Variants in BACE2 observed in about 807,000 individuals in gnomAD.
BACE2 encodes beta-secretase 2, also known as 56 kDa aspartic-like protease.
A neutral mutation model predicts 46.2 loss-of-function variants in BACE2; 17 were observed. The observed-to-expected ratio is 0.37, with a 90% confidence interval of 0.25 to 0.55. The LOEUF is 0.55. Among genes scored for constraint, BACE2 ranks in the 20% least tolerant of loss-of-function variants. The pLI, the probability that BACE2 is intolerant of heterozygous loss-of-function variation, is 0.82. For synonymous variants in BACE2, 277 were observed against 295.9 expected (o/e 0.94, Z 0.66); for missense variants, 595 against 698.1 (o/e 0.85, Z 1.66).
At chr21:41,272,198 T>C (rs1006869475) in intron 8 of BACE2, among the ~76,000 whole-genome samples, 4 of 152,156 alleles carry the variant, frequency 2.6e-5, no homozygotes, top group Non-Finnish European at 5.9e-5. Flanking sequence ...CTTATTATTA[T>C]TCATTTGTAC....
At chr21:41,238,948 T>A (rs1601296851) in intron 3 of BACE2, among the ~76,000 whole-genome samples, 12 of 90,338 alleles carry the variant, frequency 1.3e-4, no homozygotes, top group Admixed American at 3.2e-4. Flanking sequence ...AAACTTAAAG[T>A]ATAATTAAAA....
chr21:41,175,147 G>C (rs371091756), intron 1 of BACE2: 1 of 152,186 alleles, frequency 6.6e-6, no homozygotes, highest in Non-Finnish European at 1.5e-5. Flanking sequence ...AATACTCTGG[G>C]AGTGCTGACA....
At chr21:41,215,701 A>C (rs1986444601) in intron 1 of BACE2, among the ~76,000 whole-genome samples, 1 of 152,200 alleles carries the variant, frequency 6.6e-6, no homozygotes, top group African/African-American at 2.4e-5. Flanking sequence ...CGGGACCTCC[A>C]TGGGCTGTTT....
intron 7 of BACE2, among the ~76,000 whole-genome samples, chr21:41,253,741 T>C (rs1601311755): frequency 6.6e-6 from 1 of 152,060 alleles, no homozygotes. Flanking sequence ...ATGAGAGGGG[T>C]TTGGGAGCAT....
intron 1 of BACE2, among the ~76,000 whole-genome samples, chr21:41,217,272 A>G (rs1480612327): frequency 6.6e-6 from 1 of 152,222 alleles, no homozygotes; most frequent in African/African-American, 2.4e-5. Context: ...TGGCCAAGAA[A>G]ACGTATTTCC....
At chr21:41,227,267 G>A (rs1193106747) in intron 2 of BACE2, among the ~76,000 whole-genome samples, 1 of 152,208 alleles carries the variant, frequency 6.6e-6, no homozygotes, top group African/African-American at 2.4e-5. Context: ...TGACATGCTG[G>A]TTTGTTTTTT....
At chr21:41,236,863 A>G (rs1295067795) in intron 2 of BACE2, among the ~76,000 whole-genome samples, 3 of 152,232 alleles carry the variant, frequency 2.0e-5, no homozygotes, top group African/African-American at 7.2e-5. Flanking sequence ...GTCGTGTCCT[A>G]CGGTGGCCAA....
Position 41,168,411 on chromosome 21 carries a change from G to A in BACE2, c.148G>A (p.Gly50Arg). ...NRVVAPTPGPGTPAERHADGL... is the reference protein window; with the variant it reads ...NRVVAPTPGPRTPAERHADGL... Reference sequence around the variant, plus strand: ...CGTAGTTGCGCCCACCCCGGGACCCGGGACCCCTGCCGAGCGCCACGCCGA... The same window carrying A: ...CGTAGTTGCGCCCACCCCGGGACCCAGGACCCCTGCCGAGCGCCACGCCGA... Residue 50 changes from glycine (G) to arginine (R), a missense_variant, in exon 1 of 9, where the codon GGG becomes AGG. Physicochemically the swap from Gly to Arg is moderately radical, Grantham distance 125. This residue lies in a region of BACE2 where 248 missense variants were observed against 261.4 expected (regional missense o/e 0.95). Coordinates refer to ENST00000330333, the MANE Select transcript of BACE2 (RefSeq NM_012105.5). The A allele has an allele frequency of 4.2e-6, 6 of 1,413,500 alleles. No homozygotes were observed. In the East Asian group the frequency reaches 1.5e-4, roughly 36 times the overall value. The allele number at this position is 1,413,500 out of a possible 1,614,324, so 87.6% of individuals were successfully genotyped here. A position where few individuals can be genotyped will look rare whatever the true frequency, so the allele number is the denominator to read the frequency against.
At chr21:41,219,535 T>C (rs1394327167) in intron 1 of BACE2, among the ~76,000 whole-genome samples, 1 of 152,018 alleles carries the variant, frequency 6.6e-6, no homozygotes, top group African/African-American at 2.4e-5. Context: ...GAGAATCAGG[T>C]TGTGGTGAGT....
intron 8 of BACE2, 92 bp downstream of exon 8, chr21:41,257,418 T>G (rs933879393): frequency 1.5e-6 from 2 of 1,358,498 alleles, no homozygotes; most frequent in Non-Finnish European, 2.0e-6. Flanking sequence ...GCAACTCAAT[T>G]ACCATTGAAT....
chr21:41,207,297 C>T (rs927570440), intron 1 of BACE2, among the ~76,000 whole-genome samples: 3 of 152,174 alleles, frequency 2.0e-5, no homozygotes, highest in Admixed American at 6.5e-5. Context: ...TGTTATTCTA[C>T]TTATCCCCCT....
chr21:41,192,596 C>A (rs2123515266), intron 1 of BACE2, among the ~76,000 whole-genome samples: 1 of 152,292 alleles, frequency 6.6e-6, no homozygotes, highest in East Asian at 1.9e-4. Context: ...ATTCTAGAGG[C>A]CTCCACTGTG....
chr21:41,218,562 G>A (rs1846341439), intron 1 of BACE2, among the ~76,000 whole-genome samples: 1 of 152,114 alleles, frequency 6.6e-6, no homozygotes, highest in Non-Finnish European at 1.5e-5. Context: ...AAGCAACTGT[G>A]GGAAATATGG....
At chr21:41,206,560 T>G (rs1396268623) in intron 1 of BACE2, among the ~76,000 whole-genome samples, 1 of 152,220 alleles carries the variant, frequency 6.6e-6, no homozygotes, top group Admixed American at 6.5e-5. Flanking sequence ...CACTGGATGA[T>G]TCCATTTATG....
chr21:41,244,434 G>T (rs1181368778), intron 5 of BACE2, among the ~76,000 whole-genome samples: 2 of 152,136 alleles, frequency 1.3e-5, no homozygotes, highest in South Asian at 2.1e-4. Flanking sequence ...TACAATCAAA[G>T]GGGGTTGTTC....
At position 41,172,548 on chromosome 21, in the gene BACE2, A is replaced by G. The variant is rs76082935; in HGVS notation, c.312+3973A>G. 6.8e-3 allele frequency among the ~76,000 whole-genome samples: 1,035 copies of G among 152,346 alleles called. 12 individuals carry two copies. The highest frequency in any genetic ancestry group is 0.024 in the African/African-American group (977 of 41,570). On this transcript the variant is annotated intron_variant, in intron 1 of 8. Coordinates refer to ENST00000330333, the MANE Select transcript of BACE2 (RefSeq NM_012105.5). Reference sequence around the variant, plus strand: ...AAGGCAAAGCAGGGTGGAGCTGTCAATCTGGGTCAGCCCAGCTCAGTCTTT... The same window carrying G: ...AAGGCAAAGCAGGGTGGAGCTGTCAGTCTGGGTCAGCCCAGCTCAGTCTTT...
At chr21:41,256,410 G>A (rs1261651803) in intron 7 of BACE2, among the ~76,000 whole-genome samples, 2 of 152,148 alleles carry the variant, frequency 1.3e-5, no homozygotes, top group African/African-American at 4.8e-5. Flanking sequence ...TCCCTGCAAA[G>A]GACATAAACT....
intron 6 of BACE2, 51 bp from the exon 7 acceptor site, chr21:41,250,701 G>A (rs755756306): frequency 7.5e-6 from 12 of 1,590,128 alleles, no homozygotes; most frequent in South Asian, 1.1e-5. Context: ...GCTGTTTCCT[G>A]TTGACGTGCC....
chr21:41,235,820 G>A (rs1987101655), intron 2 of BACE2, among the ~76,000 whole-genome samples: 1 of 152,134 alleles, frequency 6.6e-6, no homozygotes, highest in African/African-American at 2.4e-5. Context: ...CAGCCTGGAT[G>A]ACAGAGCAAG....
Sources: allele counts gnomAD v4.1 joint callset (sites outside exome capture counted in the v4.1 genomes callset), GRCh38; gene constraint gnomAD v4.1.1; regional missense constraint gnomAD v4.1.1; transcripts MANE v1.5; gene names NCBI Gene and HGNC (gene_info 2026-07-23, HGNC 2026-07-21).